PTPRD: variants seen among roughly 807,000 people sequenced by gnomAD.
PTPRD encodes protein tyrosine phosphatase receptor type D, also known as receptor-type tyrosine-protein phosphatase delta.
A neutral mutation model predicts 214.5 loss-of-function variants in PTPRD; 34 were observed. The ratio of observed to expected loss-of-function variants is 0.16; its 90% CI spans 0.12 to 0.21. The LOEUF (loss-of-function observed/expected upper bound fraction) is 0.21, where lower values mean the gene tolerates loss of function less well. Among genes scored for constraint, PTPRD ranks in the 10% least tolerant of loss-of-function variants. The pLI is 1.00. For synonymous variants in PTPRD, 1,128 were observed against 845.7 expected (o/e 1.33, Z -5.79); for missense variants, 2,545 against 2,398.7 (o/e 1.06, Z -1.27).
intron 8 of PTPRD, among the ~76,000 whole-genome samples, chr9:9,550,456 T>C (rs1251029383): frequency 6.7e-6 from 1 of 148,238 alleles, no homozygotes; most frequent in South Asian, 2.1e-4. Flanking sequence ...TATAGTATTA[T>C]ACGTAGTATA....
chr9:10,258,206 T>C (rs1362817102), intron 3 of PTPRD, among the ~76,000 whole-genome samples: 1 of 152,194 alleles, frequency 6.6e-6, no homozygotes, highest in Non-Finnish European at 1.5e-5. Context: ...AAAGACTGGG[T>C]AGAATTCAAA....
intron 2 of PTPRD, among the ~76,000 whole-genome samples, chr9:10,492,461 C>A (rs973389631): frequency 6.6e-6 from 1 of 152,076 alleles, no homozygotes; most frequent in African/African-American, 2.4e-5. Context: ...CTCTGGTGAC[C>A]AGGGATGATT....
chr9:10,214,864 T>C (rs1305883437), intron 3 of PTPRD, among the ~76,000 whole-genome samples: 1 of 152,100 alleles, frequency 6.6e-6, no homozygotes, highest in African/African-American at 2.4e-5. Context: ...GCTCTCACAT[T>C]GTACATGAAT....
intron 8 of PTPRD, among the ~76,000 whole-genome samples, chr9:9,488,821 C>T (rs1043789933): frequency 2.0e-5 from 3 of 152,262 alleles, no homozygotes; most frequent in African/African-American, 7.2e-5. Context: ...CACCCCTAGC[C>T]ACACTGCAAG....
chr9:9,076,167 A>G (rs1341293608), intron 10 of PTPRD, among the ~76,000 whole-genome samples: 1 of 152,114 alleles, frequency 6.6e-6, no homozygotes, highest in African/African-American at 2.4e-5. Flanking sequence ...TCCAGTGATG[A>G]TGAGCATTTT....
At chr9:10,171,413 T>A (rs1403774177) in intron 3 of PTPRD, among the ~76,000 whole-genome samples, 1 of 152,156 alleles carries the variant, frequency 6.6e-6, no homozygotes, top group Admixed American at 6.5e-5. Flanking sequence ...GCCACGGACA[T>A]GTAGGAAGTT....
chr9:9,592,281 T>C (rs1162240719), intron 7 of PTPRD, among the ~76,000 whole-genome samples: 1 of 152,062 alleles, frequency 6.6e-6, no homozygotes, highest in African/African-American at 2.4e-5. Flanking sequence ...TTTGTGTGAA[T>C]GAGGCCTAGA....
chr9:9,400,753 T>C (rs918993887), intron 8 of PTPRD, among the ~76,000 whole-genome samples: 6 of 151,958 alleles, frequency 3.9e-5, no homozygotes, highest in African/African-American at 1.4e-4. Context: ...CTGGTAAGAG[T>C]GAGGAAATGG....
chr9:10,058,334 C>G (rs1170790536), intron 3 of PTPRD, among the ~76,000 whole-genome samples: 1 of 151,990 alleles, frequency 6.6e-6, no homozygotes, highest in Non-Finnish European at 1.5e-5. Flanking sequence ...CAATGTATAG[C>G]CAATCGATAG....
At chr9:9,015,346 A>G (rs898823132) in intron 11 of PTPRD, among the ~76,000 whole-genome samples, 14 of 152,274 alleles carry the variant, frequency 9.2e-5, no homozygotes, top group Middle Eastern at 3.4e-3. Context: ...GCCAAAACCC[A>G]CCAAAACCAA....
At position 8,495,037 on chromosome 9, in the gene PTPRD, T is replaced by A. The variant is rs1282624769; in HGVS notation, c.2350-2058A>T. 4.1e-3 allele frequency among the ~76,000 whole-genome samples: 623 copies of A among 151,860 alleles called. 7 individuals are homozygous for A. The highest frequency in any genetic ancestry group is 0.015 in the African/African-American group (613 of 41,402). On this transcript the variant is annotated intron_variant, in intron 26 of 45. Coordinates refer to ENST00000381196, the MANE Select transcript of PTPRD (RefSeq NM_002839.4). ...CACTGGTCTACTGTTTCTCTAATCTTAAAAAAGAAACTGCATTCATTTCTA... is the reference window on the plus strand; with the variant it reads ...CACTGGTCTACTGTTTCTCTAATCTAAAAAAAGAAACTGCATTCATTTCTA...
At chr9:10,459,096 T>C (rs2098938940) in intron 2 of PTPRD, among the ~76,000 whole-genome samples, 1 of 152,154 alleles carries the variant, frequency 6.6e-6, no homozygotes, top group Non-Finnish European at 1.5e-5. Flanking sequence ...CCTCTCTCTG[T>C]GTCCCTGTGT....
intron 2 of PTPRD, among the ~76,000 whole-genome samples, chr9:10,366,380 G>A (rs980936813): frequency 6.6e-6 from 1 of 152,192 alleles, no homozygotes; most frequent in Non-Finnish European, 1.5e-5. Context: ...TCTAGATGGT[G>A]ATGCTGCTCT....
chr9:8,857,656 G>GGCA (rs2097955409), intron 11 of PTPRD: 1 of 157,502 alleles, frequency 6.3e-6, no homozygotes, highest in South Asian at 1.7e-4. Flanking sequence ...GTTGGCCCCG[G>GGCA]GCAGCCGCCG....
At chr9:9,343,027 C>T (rs567410212) in intron 9 of PTPRD, among the ~76,000 whole-genome samples, 16 of 152,140 alleles carry the variant, frequency 1.1e-4, no homozygotes, top group Non-Finnish European at 2.1e-4. Flanking sequence ...ATAATAGTTT[C>T]CAGCTTCATC....
rs900607888 is a variant in PTPRD at position 9,972,007 on chromosome 9, T to C, written c.-471-33397A>G. Among the ~76,000 whole-genome samples the C allele has an allele frequency of 3.3e-5, 5 of 152,306 alleles. No individual in the cohort carries two copies. In the East Asian group the frequency reaches 9.6e-4, roughly 29 times the overall value. On this transcript the variant is annotated intron_variant, in intron 4 of 45. Coordinates refer to ENST00000381196, the MANE Select transcript of PTPRD (RefSeq NM_002839.4). ...GAATTTTTAAAAATATATATTAAGTTCTTCACTTTAAAAAGTTTTTCTTCA... is the reference window on the plus strand; with the variant it reads ...GAATTTTTAAAAATATATATTAAGTCCTTCACTTTAAAAAGTTTTTCTTCA...
At chr9:10,467,837 T>C (rs1490007284) in intron 2 of PTPRD, among the ~76,000 whole-genome samples, 3 of 151,690 alleles carry the variant, frequency 2.0e-5, no homozygotes, top group Non-Finnish European at 4.4e-5. Flanking sequence ...ATCATTCAAG[T>C]AAAAAACATA....
intron 33 of PTPRD, among the ~76,000 whole-genome samples, chr9:8,452,404 A>T (rs2095995599): frequency 6.6e-6 from 1 of 152,214 alleles, no homozygotes; most frequent in Non-Finnish European, 1.5e-5. Context: ...CATTGGTAAT[A>T]ATACTAAAGA....
intron 3 of PTPRD, among the ~76,000 whole-genome samples, chr9:10,310,735 C>T (rs1221186315): frequency 6.6e-6 from 1 of 152,042 alleles, no homozygotes; most frequent in African/African-American, 2.4e-5. Context: ...TGTATGCATT[C>T]CTGAATAGAC....
Sources: allele counts gnomAD v4.1 joint callset (sites outside exome capture counted in the v4.1 genomes callset), GRCh38; gene constraint gnomAD v4.1.1; transcripts MANE v1.5; gene names NCBI Gene and HGNC (gene_info 2026-07-23, HGNC 2026-07-21).